MAD1L1: variants seen among roughly 807,000 people sequenced by gnomAD.
The protein encoded by MAD1L1 is mitotic spindle assembly checkpoint protein MAD1.
A neutral mutation model predicts 96.9 loss-of-function variants in MAD1L1; 95 were observed. The observed-to-expected ratio is 0.98, with a 90% CI of 0.83 to 1.16. MAD1L1 has a LOEUF of 1.16. Ranked by LOEUF, MAD1L1 falls within the 50% of genes most tolerant of loss-of-function variation. The pLI is 0.00. For missense variants in MAD1L1, 1,007 were observed against 954.4 expected, an observed-to-expected ratio of 1.06 and a Z score of -0.73; for synonymous variants, 473 against 396.6, an observed-to-expected ratio of 1.19 and a Z score of -2.29.
intron 18 of MAD1L1, among the ~76,000 whole-genome samples, chr7:1,867,737 G>A (rs1328359924): frequency 3.3e-5 from 5 of 152,232 alleles, no homozygotes; most frequent in African/African-American, 7.2e-5. Context: ...GGGATGGGAG[G>A]GGTGGCACAG....
At chr7:1,841,616 G>C (rs1017888961) in intron 18 of MAD1L1, among the ~76,000 whole-genome samples, 1 of 152,216 alleles carries the variant, frequency 6.6e-6, no homozygotes, top group African/African-American at 2.4e-5. Context: ...CCGGGCGCCT[G>C]CCTGAAGCTG....
chr7:1,900,231 GC>G (rs1562504445), intron 17 of MAD1L1, among the ~76,000 whole-genome samples: 2 of 152,266 alleles, frequency 1.3e-5, no homozygotes, highest in Non-Finnish European at 2.9e-5. Flanking sequence ...TCGCTGCTTA[GC>G]TGCAAAAGCA....
At chr7:1,883,748 G>A (rs531374223) in intron 18 of MAD1L1, among the ~76,000 whole-genome samples, 1 of 152,322 alleles carries the variant, frequency 6.6e-6, no homozygotes, top group South Asian at 2.1e-4. Context: ...AGGGCAGTCT[G>A]TGTGCCCCAG....
At chr7:2,138,075 C>CT (rs1463678639) in intron 11 of MAD1L1, among the ~76,000 whole-genome samples, 1 of 152,258 alleles carries the variant, frequency 6.6e-6, no homozygotes, top group African/African-American at 2.4e-5. Context: ...GTCCCAGGCC[C>CT]TTCACCAGGG....
rs140357058 is a variant in MAD1L1, at chr7:2,012,162, A to G, written c.1359+2340T>C. Among the ~76,000 whole-genome samples, 617 of 152,316 alleles carry G rather than the reference A, an allele frequency of 4.1e-3. 5 individuals are homozygous for G. The highest frequency in any genetic ancestry group is 0.014 in the African/African-American group (565 of 41,572). On this transcript the variant is annotated intron_variant, in intron 13 of 18. Transcript: ENST00000265854. The stretch of plus-strand genomic sequence containing the variant: ...GGCTGAGGCTCCAAGCTGCCCGGCA[A>G]GGGGGCAAGCACGGTGCCCAAACAG...
chr7:1,893,878 T>C (rs1441358877), intron 18 of MAD1L1, among the ~76,000 whole-genome samples: 2 of 152,208 alleles, frequency 1.3e-5, no homozygotes, highest in Admixed American at 6.5e-5. Flanking sequence ...GGGCCACCGC[T>C]GCATGGCCCC....
chr7:1,905,446 C>G lies in MAD1L1; in HGVS notation c.1808-7056G>C, dbSNP rs141627306. ...ATGATTGATGAAGCACTGTTCCAGGCAGCAAGCACGCAGTGGCCTATGGAA... is the reference window on the plus strand; with the variant it reads ...ATGATTGATGAAGCACTGTTCCAGGGAGCAAGCACGCAGTGGCCTATGGAA... On this transcript the variant is annotated intron_variant, in intron 17 of 18. Transcript: ENST00000265854. Among the ~76,000 whole-genome samples, 1,144 of 147,802 alleles carry G rather than the reference C, an allele frequency of 7.7e-3. 29 individuals carry two copies. The highest frequency in any genetic ancestry group is 0.027 in the African/African-American group (1,072 of 40,152).
At position 2,088,184 on chromosome 7, in the gene MAD1L1, G is replaced by A. The variant is rs889396471; in HGVS notation, c.1074-18846C>T. On this transcript the variant is annotated intron_variant, in intron 11 of 18. Coordinates refer to ENST00000265854, the MANE Select transcript of MAD1L1 (RefSeq NM_001013836.2). The surrounding 1 kb of genome is among the most constrained non-coding windows in gnomAD (Gnocchi z 4.4). ...TGGCCACAGAACAGTGGACGAGGTC[G>A]GGCAGCAAAGCGACCTTGGATCACA... is the stretch of plus-strand genomic sequence containing the variant. Among the ~76,000 whole-genome samples, 2 of 152,182 alleles carry A rather than the reference G, an allele frequency of 1.3e-5. No homozygotes were observed. The highest frequency in any genetic ancestry group is 4.1e-4 in the South Asian group (2 of 4,826).
At chr7:2,115,699 G>C (rs1787652049) in intron 11 of MAD1L1, among the ~76,000 whole-genome samples, 1 of 152,250 alleles carries the variant, frequency 6.6e-6, no homozygotes, top group Admixed American at 6.5e-5. Flanking sequence ...TTCCCGCATG[G>C]CCACATCCAG....
intron 12 of MAD1L1, among the ~76,000 whole-genome samples, chr7:2,030,656 C>T (rs750579558): frequency 5.3e-5 from 8 of 152,232 alleles, no homozygotes; most frequent in Non-Finnish European, 1.0e-4. Flanking sequence ...AGACGCCGCC[C>T]CGGCAGAGGA....
intron 11 of MAD1L1, among the ~76,000 whole-genome samples, chr7:2,139,619 C>T (rs1053441878): frequency 2.0e-4 from 30 of 151,650 alleles, no homozygotes; most frequent in Admixed American, 1.9e-3. Flanking sequence ...AGAGGACACC[C>T]GCCGCTCTCC....
chr7:1,886,485 C>T (rs532308306), intron 18 of MAD1L1, among the ~76,000 whole-genome samples: 1 of 152,238 alleles, frequency 6.6e-6, no homozygotes, highest in Non-Finnish European at 1.5e-5. Flanking sequence ...TGAGTCGACA[C>T]CTCTGCATGG....
chr7:1,857,480 C>T (rs566390238), intron 18 of MAD1L1, among the ~76,000 whole-genome samples: 2 of 152,188 alleles, frequency 1.3e-5, no homozygotes, highest in Admixed American at 6.5e-5. Context: ...TCCCCCACCC[C>T]GCGTGTGCAG....
At chr7:1,964,352 G>T (rs974948095) in intron 15 of MAD1L1, among the ~76,000 whole-genome samples, 1 of 152,208 alleles carries the variant, frequency 6.6e-6, no homozygotes, top group East Asian at 1.9e-4. Context: ...GAGCGCACGC[G>T]TGTAGCTGCA....
intron 12 of MAD1L1, among the ~76,000 whole-genome samples, chr7:2,017,720 G>A (rs552464323): frequency 5.3e-5 from 8 of 152,160 alleles, no homozygotes; most frequent in African/African-American, 1.4e-4. Context: ...CAGGTGCTCC[G>A]GCGCGCTAAT....
intron 12 of MAD1L1, among the ~76,000 whole-genome samples, chr7:2,020,753 A>G (rs1782752653): frequency 6.9e-6 from 1 of 144,800 alleles, no homozygotes; most frequent in Non-Finnish European, 1.5e-5. Flanking sequence ...GGCCTAAGCA[A>G]AAAGAATACT....
At chr7:1,867,081 G>A (rs892604086) in intron 18 of MAD1L1, among the ~76,000 whole-genome samples, 7 of 152,212 alleles carry the variant, frequency 4.6e-5, no homozygotes, top group East Asian at 1.9e-4. Context: ...GGCTGAGGTC[G>A]GCTGCAGTAC....
intron 11 of MAD1L1, among the ~76,000 whole-genome samples, chr7:2,135,049 A>C (rs1227083272): frequency 6.6e-6 from 1 of 152,226 alleles, no homozygotes; most frequent in African/African-American, 2.4e-5. Context: ...TCAACACACA[A>C]AAAACACCCC....
At chr7:2,149,412 C>T (rs926315426) in intron 10 of MAD1L1, among the ~76,000 whole-genome samples, 174 bp from the exon 11 acceptor site, 3 of 152,182 alleles carry the variant, frequency 2.0e-5, no homozygotes, top group African/African-American at 7.2e-5. Flanking sequence ...AGCCTGGGGT[C>T]AACCACAGCC....
Sources: allele counts gnomAD v4.1 joint callset (sites outside exome capture counted in the v4.1 genomes callset), GRCh38; gene constraint gnomAD v4.1.1; non-coding constraint Gnocchi (gnomAD v3.1); transcripts MANE v1.5; gene names NCBI Gene and HGNC (gene_info 2026-07-23, HGNC 2026-07-21).